Variants in TAFA2 observed in about 807,000 individuals in gnomAD.
TAFA2 encodes the protein chemokine-like protein TAFA-2.
A neutral mutation model predicts 18.8 loss-of-function variants in TAFA2; 7 were observed. That is an observed-to-expected ratio of 0.37 (90% CI 0.21 to 0.70). The LOEUF (loss-of-function observed/expected upper bound fraction) is 0.70. Among genes scored for constraint, TAFA2 ranks in the 30% least tolerant of loss-of-function variants. TAFA2 has a pLI of 0.53. For synonymous variants in TAFA2, 60 were observed against 54.2 expected, an observed-to-expected ratio of 1.11 and a Z score of -0.47; for missense variants, 122 against 158.1, an observed-to-expected ratio of 0.77 and a Z score of 1.23.
At chr12:62,063,725 C>A (rs771134116) in intron 1 of TAFA2, among the ~76,000 whole-genome samples, 9 of 152,014 alleles carry the variant, frequency 5.9e-5, no homozygotes, top group South Asian at 2.1e-4. Context: ...TAGAGACATA[C>A]AACATACAAA....
chr12:61,879,878 C>T, intron 1 of TAFA2: 1 of 916,260 alleles, frequency 1.1e-6, no homozygotes, highest in Admixed American at 1.7e-5. Flanking sequence ...GATCAATAAG[C>T]ATACAGAGAT....
chr12:61,724,725 G>A (rs551870874), intron 4 of TAFA2, among the ~76,000 whole-genome samples: 2 of 145,428 alleles, frequency 1.4e-5, no homozygotes, highest in African/African-American at 5.1e-5. Context: ...TCTTTTCATG[G>A]CTGAGTAGTA....
At chr12:61,862,302 A>G (rs1043233073) in intron 2 of TAFA2, among the ~76,000 whole-genome samples, 1 of 152,226 alleles carries the variant, frequency 6.6e-6, no homozygotes, top group Non-Finnish European at 1.5e-5. Context: ...CAAAATGCCC[A>G]GCTCAATATA....
chr12:61,924,745 A>T (rs1489719102), intron 1 of TAFA2, among the ~76,000 whole-genome samples: 1 of 152,192 alleles, frequency 6.6e-6, no homozygotes, highest in Non-Finnish European at 1.5e-5. Context: ...AACAATATTA[A>T]TCTCAAAAGT....
At chr12:62,181,518 G>C (rs928721883) in intron 1 of TAFA2, among the ~76,000 whole-genome samples, 1 of 152,176 alleles carries the variant, frequency 6.6e-6, no homozygotes, top group Non-Finnish European at 1.5e-5. Flanking sequence ...AGATTTAATA[G>C]CATGACTATT....
chr12:62,094,754 A>C (rs1868873077), intron 1 of TAFA2, among the ~76,000 whole-genome samples: 1 of 151,998 alleles, frequency 6.6e-6, no homozygotes, highest in African/African-American at 2.4e-5. Flanking sequence ...ACACATAAAA[A>C]AAATGAAGTC....
chr12:61,838,955 A>G (rs1263418021), intron 2 of TAFA2, among the ~76,000 whole-genome samples: 1 of 152,104 alleles, frequency 6.6e-6, no homozygotes, highest in African/African-American at 2.4e-5. Flanking sequence ...CTGGCCCCAA[A>G]TATCAATAGT....
chr12:61,825,174 G>T (rs2121066866), intron 2 of TAFA2, among the ~76,000 whole-genome samples: 1 of 152,166 alleles, frequency 6.6e-6, no homozygotes, highest in Middle Eastern at 3.4e-3. Flanking sequence ...AAAAGCAAAA[G>T]TACAGAACAT....
chr12:62,026,146 G>A (rs1881304538), intron 1 of TAFA2, among the ~76,000 whole-genome samples: 1 of 152,032 alleles, frequency 6.6e-6, no homozygotes, highest in Admixed American at 6.6e-5. Flanking sequence ...ACCATGAAAA[G>A]GATTAATTAA....
At chr12:61,913,987 C>G (rs1474679452) in intron 1 of TAFA2, among the ~76,000 whole-genome samples, 1 of 152,120 alleles carries the variant, frequency 6.6e-6, no homozygotes, top group Non-Finnish European at 1.5e-5. Context: ...GATAAAGTAA[C>G]AGAAACAGGG....
chr12:61,833,344 T>C (rs1389384795), intron 2 of TAFA2, among the ~76,000 whole-genome samples: 1 of 151,758 alleles, frequency 6.6e-6, no homozygotes, highest in East Asian at 1.9e-4. Flanking sequence ...CAATCTTCAA[T>C]GAATATCTAT....
chr12:61,780,827 A>T (rs150410908), intron 2 of TAFA2, among the ~76,000 whole-genome samples: 224 of 151,886 alleles, frequency 1.5e-3, no homozygotes, highest in African/African-American at 5.0e-3. Context: ...GTCTTCACTT[A>T]TATTGCAACG....
chr12:62,139,645 A>G (rs1277518992), intron 1 of TAFA2, among the ~76,000 whole-genome samples: 2 of 152,238 alleles, frequency 1.3e-5, no homozygotes, highest in African/African-American at 4.8e-5. Flanking sequence ...CTGTGTGAGC[A>G]GTAGCATGCA....
rs189012961 is a variant in TAFA2, at chr12:61,755,971, T to C, written c.107-947A>G. On this transcript the variant is annotated intron_variant, in intron 2 of 4. Coordinates refer to ENST00000416284, the MANE Select transcript of TAFA2 (RefSeq NM_178539.5). ...ATTATGCTTTCAGTAATTTTAAAAG[T>C]GTAATTGTTATAAAAACAGATATTA... Among the ~76,000 whole-genome samples, 160 of 152,226 alleles carry C rather than the reference T, an allele frequency of 1.1e-3. 1 individual carries two copies. In the East Asian group the frequency reaches 0.029, roughly 28 times the overall value.
intron 2 of TAFA2, among the ~76,000 whole-genome samples, chr12:61,817,355 T>C (rs1872126682): frequency 6.6e-6 from 1 of 152,126 alleles, no homozygotes; most frequent in Non-Finnish European, 1.5e-5. Flanking sequence ...ATAATAATCA[T>C]AGTTATTATT....
At chr12:62,066,489 T>C (rs1448515175) in intron 1 of TAFA2, among the ~76,000 whole-genome samples, 13 of 151,942 alleles carry the variant, frequency 8.6e-5, no homozygotes. Flanking sequence ...TAACCATCCT[T>C]CTACTCTCTA....
At chr12:62,041,458 A>G (rs925151192) in intron 1 of TAFA2, among the ~76,000 whole-genome samples, 3 of 152,176 alleles carry the variant, frequency 2.0e-5, no homozygotes, top group African/African-American at 7.2e-5. Flanking sequence ...CTTTACAGAA[A>G]TAGTTAAAAG....
intron 1 of TAFA2, among the ~76,000 whole-genome samples, chr12:62,024,440 T>G (rs1881249865): frequency 6.6e-6 from 1 of 152,160 alleles, no homozygotes; most frequent in Non-Finnish European, 1.5e-5. Flanking sequence ...AGATTGGTTT[T>G]GCTTTGCAGC....
intron 1 of TAFA2, among the ~76,000 whole-genome samples, chr12:61,871,356 T>C (rs540603191): frequency 6.6e-6 from 1 of 152,338 alleles, no homozygotes; most frequent in African/African-American, 2.4e-5. Flanking sequence ...CATTGCCTTC[T>C]TTCTCTATTT....
Sources: gnomAD v4.1 joint callset for allele counts (sites outside exome capture counted in the v4.1 genomes callset) on GRCh38, gnomAD v4.1.1 for gene constraint, MANE v1.5 for transcripts, NCBI Gene and HGNC (gene_info 2026-07-23, HGNC 2026-07-21) for gene names.